The following PASD1 variants were observed in gnomAD, a reference collection of about 807,000 sequenced individuals.
PASD1 encodes the protein circadian clock protein PASD1.
PASD1 carries 13 observed loss-of-function variants against 58.8 expected under a neutral mutation model. The observed-to-expected ratio is 0.22, with a 90% CI of 0.14 to 0.35. PASD1 has a LOEUF of 0.35. Among genes scored for constraint, PASD1 ranks in the 10% least tolerant of loss-of-function variants. The pLI, the probability that PASD1 is intolerant of heterozygous loss-of-function variation, is 1.00. For missense variants in PASD1, 734 were observed against 568.3 expected, an observed-to-expected ratio of 1.29 and a Z score of -2.96; for synonymous variants, 236 against 216.7, an observed-to-expected ratio of 1.09 and a Z score of -0.78.
At chrX:151,670,337 C>T (rs1054541670) in intron 11 of PASD1, among the ~76,000 whole-genome samples, 1 of 111,895 alleles carries the variant, frequency 8.9e-6, no homozygotes, top group Non-Finnish European at 1.9e-5. Flanking sequence ...CCAAGTTCCT[C>T]GGCTGCCTGA....
In PASD1 at chrX:151,674,147, T is replaced by C. The variant is rs1434038141; in HGVS notation, c.2136T>C (p.Asp712=). 8.3e-7 allele frequency: 1 copy of C among 1,212,114 alleles called. No homozygotes were observed. Among genetic ancestry groups the C allele is most frequent in the Non-Finnish European group, 1.1e-6 (1 of 895,571 alleles). ...PVVQVNTWSC[D]EQGTLHGQPT... is the part of the protein sequence containing the mutation. Reference sequence around the variant, plus strand: ...TCCAAGTGAACACTTGGTCTTGCGATGAGCAGGGCACCCTGCACGGCCAAC... The same window carrying C: ...TCCAAGTGAACACTTGGTCTTGCGACGAGCAGGGCACCCTGCACGGCCAAC... The change falls in exon 15 of 16, where the codon GAT becomes GAC. Residue 712 remains aspartate, a synonymous_variant. Transcript: ENST00000370357.
At chrX:151,607,843 C>T (rs1447602808) in intron 3 of PASD1, among the ~76,000 whole-genome samples, 2 of 111,613 alleles carry the variant, frequency 1.8e-5, no homozygotes, top group African/African-American at 3.3e-5. Flanking sequence ...CTAGTGCTGG[C>T]GGAGTTAGGA....
chrX:151,660,221 A>G (rs1034628633), intron 10 of PASD1, among the ~76,000 whole-genome samples: 4 of 111,962 alleles, frequency 3.6e-5, no homozygotes, highest in African/African-American at 1.3e-4. Flanking sequence ...GAGTCTCTCA[A>G]AAACAGTGAT....
chrX:151,665,504 G>A (rs1197018567), intron 11 of PASD1, among the ~76,000 whole-genome samples: 1 of 111,877 alleles, frequency 8.9e-6, no homozygotes, highest in Non-Finnish European at 1.9e-5. Context: ...AGAAGATGGA[G>A]ACCAGGATGA....
chrX:151,663,988 T>C, intron 10 of PASD1, 131 bp from the exon 11 acceptor site: 1 of 984,158 alleles, frequency 1.0e-6, no homozygotes, highest in Admixed American at 3.7e-5. Flanking sequence ...TAAAATAATA[T>C]TCTGAATGAT....
chrX:151,628,829 A>G (rs1027914179), intron 8 of PASD1, among the ~76,000 whole-genome samples: 5 of 111,453 alleles, frequency 4.5e-5, no homozygotes, highest in African/African-American at 1.3e-4. Context: ...ATGAGCATGG[A>G]ATGTTCTTCT....
intron 8 of PASD1, among the ~76,000 whole-genome samples, chrX:151,637,619 G>A (rs1046190093): frequency 9.0e-6 from 1 of 111,113 alleles, no homozygotes; most frequent in African/African-American, 3.3e-5. Flanking sequence ...TGCCCGCCTC[G>A]GCCTCCCAAA....
intron 1 of PASD1, among the ~76,000 whole-genome samples, chrX:151,578,543 G>C (rs1414335969): frequency 1.8e-5 from 2 of 112,402 alleles, no homozygotes; most frequent in Admixed American, 1.9e-4. Context: ...AGGTTTGAAG[G>C]CATCAAAAAC....
At chrX:151,616,508 T>TC (rs71839440) in intron 4 of PASD1, among the ~76,000 whole-genome samples, 15 of 108,598 alleles carry the variant, frequency 1.4e-4, no homozygotes, top group South Asian at 8.1e-4. Flanking sequence ...TTGACAGTTT[T>TC]TTTTTTCCTT....
chrX:151,633,112 A>C (rs2013888932), intron 8 of PASD1, among the ~76,000 whole-genome samples: 1 of 111,606 alleles, frequency 9.0e-6, no homozygotes, highest in Non-Finnish European at 1.9e-5. Flanking sequence ...CTATAAATTT[A>C]AGGTAGTTCT....
At chrX:151,573,667 C>T (rs1285101058) in intron 1 of PASD1, among the ~76,000 whole-genome samples, 1 of 112,287 alleles carries the variant, frequency 8.9e-6, no homozygotes, top group Non-Finnish European at 1.9e-5. Context: ...ATTTATATTA[C>T]TTCATTAAGT....
chrX:151,653,218 G>A, intron 9 of PASD1, among the ~76,000 whole-genome samples: 1 of 104,750 alleles, frequency 9.5e-6, no homozygotes, highest in African/African-American at 3.5e-5. Flanking sequence ...TTGAGATAAA[G>A]TTTCGCCCTT....
At position 151,664,364 on chromosome X, in the gene PASD1, C is replaced by T. The variant is rs1213398884; in HGVS notation, c.1071+16C>T. The T allele has an allele frequency of 3.3e-6, 4 of 1,206,713 alleles. No individual in the cohort carries two copies. The highest frequency in any genetic ancestry group is 4.5e-6 in the Non-Finnish European group (4 of 892,677). ...AAGTGCTCAGGTACTCTGAAAGTCT[C>T]GCTTCACTCGCTTCACGTTTGTCTG... On this transcript the variant is annotated intron_variant, in intron 11 of 15. Coordinates refer to ENST00000370357, the MANE Select transcript of PASD1 (RefSeq NM_173493.3).
At chrX:151,589,238 T>A (rs1489296926) in intron 1 of PASD1, among the ~76,000 whole-genome samples, 1 of 111,180 alleles carries the variant, frequency 9.0e-6, no homozygotes, top group Non-Finnish European at 1.9e-5. Context: ...GGGCATACAT[T>A]AGGTGCCATG....
Position 151,676,248 on chromosome X carries a change from G to A in PASD1, c.*105G>A. On this transcript the variant is annotated 3_prime_UTR_variant, in exon 16 of 16. Coordinates refer to ENST00000370357, the MANE Select transcript of PASD1 (RefSeq NM_173493.3). The stretch of plus-strand genomic sequence containing the variant: ...AAGGTGCGTAAAGTCCCTTGGGGTA[G>A]GGTTTAGTGGGTAGAGACTTATTTG... 1 of 803,072 alleles carries A rather than the reference G, an allele frequency of 1.2e-6. No individual in the cohort carries two copies. Among genetic ancestry groups the A allele is most frequent in the Non-Finnish European group, 1.7e-6 (1 of 572,190 alleles). 66.2% of individuals were successfully genotyped at this position (803,072 alleles called of 1,213,427 possible).
intron 8 of PASD1, among the ~76,000 whole-genome samples, chrX:151,631,744 G>A (rs1005029010): frequency 1.3e-4 from 15 of 111,387 alleles, no homozygotes; most frequent in Admixed American, 3.8e-4. Context: ...TTGTACAAAG[G>A]TGTGGGGAAA....
At chrX:151,600,001 G>C (rs990512561) in intron 1 of PASD1, among the ~76,000 whole-genome samples, 1 of 112,452 alleles carries the variant, frequency 8.9e-6, no homozygotes, top group Admixed American at 9.3e-5. Flanking sequence ...GCGAGACTCT[G>C]TTTGCAATCC....
chrX:151,583,313 T>C (rs1053848617), intron 1 of PASD1, among the ~76,000 whole-genome samples: 3 of 112,364 alleles, frequency 2.7e-5, no homozygotes, highest in Non-Finnish European at 5.6e-5. Flanking sequence ...CTTAATGTTA[T>C]TACTATCTTT....
chrX:151,609,887 C>T (rs191766062), intron 3 of PASD1, among the ~76,000 whole-genome samples: 11 of 109,219 alleles, frequency 1.0e-4, no homozygotes, highest in African/African-American at 3.7e-4. Context: ...GAGAGACTGC[C>T]GTAGAGTTTT....
Sources: allele counts gnomAD v4.1 joint callset (sites outside exome capture counted in the v4.1 genomes callset), GRCh38; gene constraint gnomAD v4.1.1; transcripts MANE v1.5; gene names NCBI Gene and HGNC (gene_info 2026-07-23, HGNC 2026-07-21).